BEND2: variants seen among roughly 807,000 people sequenced by gnomAD.
BEND2 encodes BEN domain-containing protein 2.
In BEND2, 19 loss-of-function variants were observed where a neutral mutation model predicts 43.8. The observed-to-expected ratio is 0.43, with a 90% CI of 0.30 to 0.64. The LOEUF is 0.64. Among genes scored for constraint, BEND2 ranks in the 30% least tolerant of loss-of-function variants. The pLI is 0.11. For synonymous variants in BEND2, 226 were observed against 210.1 expected (o/e 1.08, Z -0.66); for missense variants, 544 against 574.0 (o/e 0.95, Z 0.53).
chrX:18,173,666 G>A (rs1203188352), intron 12 of BEND2, among the ~76,000 whole-genome samples: 4 of 111,214 alleles, frequency 3.6e-5, no homozygotes, highest in South Asian at 3.8e-4. Context: ...TCACGAATTC[G>A]TGCCAAAAAT....
At chrX:18,210,156 A>T (rs1925461312) in intron 4 of BEND2, among the ~76,000 whole-genome samples, 2 of 110,627 alleles carry the variant, frequency 1.8e-5, no homozygotes, top group African/African-American at 6.5e-5. Flanking sequence ...GGAGAGAGAG[A>T]TATTTCCTTC....
At chrX:18,206,951 C>T (rs766578902) in intron 4 of BEND2, among the ~76,000 whole-genome samples, 8 of 111,990 alleles carry the variant, frequency 7.1e-5, no homozygotes, top group African/African-American at 2.6e-4. Flanking sequence ...AAGCCAGCCC[C>T]TTAGGAGCAA....
rs1033208562 is a variant in BEND2, at chrX:18,216,677, T to G, written c.82A>C (p.Met28Leu). 2 of 1,209,009 alleles carry G rather than the reference T, an allele frequency of 1.7e-6. No homozygotes were observed. Among genetic ancestry groups the G allele is most frequent in the Non-Finnish European group, 2.2e-6 (2 of 894,416 alleles). Residue 28 changes from methionine (M) to leucine (L), a missense_variant, in exon 2 of 14, where the codon ATG becomes CTG. By Grantham distance (15) the Met-to-Leu change is conservative. Coordinates refer to ENST00000380033, the MANE Select transcript of BEND2 (RefSeq NM_153346.5). ...SDDNNDCSIE[M>L]VEVSETADNS... ...TCTGCTGTTTCAGAAACTTCCACCA[T>G]CTCAATACTGCAATCATTGTTATCA...
intron 9 of BEND2, among the ~76,000 whole-genome samples, chrX:18,179,531 C>T (rs1924302649): frequency 9.0e-6 from 1 of 110,993 alleles, no homozygotes; most frequent in South Asian, 3.9e-4. Context: ...AAGCTCTCCT[C>T]TAGGAAGGGA....
intron 6 of BEND2, among the ~76,000 whole-genome samples, chrX:18,200,207 TA>T (rs1245304468): frequency 9.0e-6 from 1 of 110,799 alleles, no homozygotes; most frequent in Non-Finnish European, 1.9e-5. Flanking sequence ...AAATCAAAAA[TA>T]AAAAGGAGGG....
intron 4 of BEND2, among the ~76,000 whole-genome samples, chrX:18,209,075 G>C (rs1188387995): frequency 8.9e-6 from 1 of 111,818 alleles, no homozygotes; most frequent in Non-Finnish European, 1.9e-5. Context: ...ATCAACTGAA[G>C]GAGCTCCCAA....
intron 8 of BEND2, among the ~76,000 whole-genome samples, chrX:18,185,575 T>C (rs1235901457): frequency 1.1e-4 from 10 of 88,522 alleles, no homozygotes; most frequent in South Asian, 5.4e-4. Context: ...ATAATAATAA[T>C]AACAGACAAC....
Position 18,191,151 on chromosome X carries a change from C to T in BEND2, c.1181-43G>A, listed in dbSNP as rs367632613. The T allele has an allele frequency of 3.0e-6, 3 of 991,881 alleles. No individual in the cohort carries two copies. The African/African-American group carries it at 5.8e-5, about 19-fold the overall frequency. 81.7% of individuals were successfully genotyped at this position (991,881 alleles called of 1,213,427 possible). A position where few individuals can be genotyped will look rare whatever the true frequency, so the allele number is the denominator to read the frequency against. ...TCAATATGTAAAACATTTTGCAGTGCTGAAAGACAAGAAATCTCAACCATG... is the reference window on the plus strand; with the variant it reads ...TCAATATGTAAAACATTTTGCAGTGTTGAAAGACAAGAAATCTCAACCATG... On this transcript the variant is annotated intron_variant, in intron 7 of 13. Transcript: ENST00000380033.
At position 18,203,772 on chromosome X, in the gene BEND2, G is replaced by A; in HGVS notation, c.636C>T (p.Val212=). 3 of 1,211,383 alleles carry A rather than the reference G, an allele frequency of 2.5e-6. No homozygotes were observed. The highest frequency in any genetic ancestry group is 2.2e-5 in the Admixed American group (1 of 46,002). Residue 212 remains valine (V), a synonymous_variant, in exon 5 of 14, where the codon GTC becomes GTT. Coordinates refer to ENST00000380033, the MANE Select transcript of BEND2 (RefSeq NM_153346.5). ...LSESLSYPRI[V]SSSSLQQYVA... is the part of the protein sequence containing the mutation. ...CATACTGCTGTAATGAACTTGAGGA[G>A]ACAATTCTGGGATATGATAAACTCT...
rs1226768413 is a variant in BEND2, at chrX:18,163,553, A to T, written c.*1456T>A. 8.9e-6 allele frequency: 1 copy of T among 112,042 alleles called. No individual in the cohort carries two copies. Among genetic ancestry groups the T allele is most frequent in the Non-Finnish European group, 1.9e-5 (1 of 53,246 alleles). 9.2% of individuals were successfully genotyped at this position (112,042 alleles called of 1,213,427 possible). ...ATGGTGGAAAGTTCTATCAGACAAG[A>T]CTGCTCTAAATAACTTCTAAAAACC... On this transcript the variant is annotated 3_prime_UTR_variant, in exon 14 of 14. Coordinates refer to ENST00000380033, the MANE Select transcript of BEND2 (RefSeq NM_153346.5).
intron 5 of BEND2, among the ~76,000 whole-genome samples, chrX:18,202,833 T>C (rs1925209788): frequency 8.9e-6 from 1 of 111,990 alleles, no homozygotes; most frequent in Non-Finnish European, 1.9e-5. Context: ...AAAACTTGTA[T>C]ATGAATTTTC....
intron 11 of BEND2, among the ~76,000 whole-genome samples, chrX:18,175,291 G>C (rs1924108540): frequency 9.0e-6 from 1 of 111,323 alleles, no homozygotes; most frequent in African/African-American, 3.3e-5. Flanking sequence ...ACACAGGAGC[G>C]ACTAGACGTG....
chrX:18,205,381 C>T lies in BEND2; in HGVS notation c.493-1466G>A, dbSNP rs141156137. On this transcript the variant is annotated intron_variant, in intron 4 of 13. Transcript: ENST00000380033. ...AAGTTCGAGACCAGCCTGAGCAATACAGCAGGACTCCATCTCTAACAAAAA... is the reference window on the plus strand; with the variant it reads ...AAGTTCGAGACCAGCCTGAGCAATATAGCAGGACTCCATCTCTAACAAAAA... 5.0e-4 allele frequency among the ~76,000 whole-genome samples: 54 copies of T among 107,846 alleles called. No homozygotes were observed. The East Asian group carries it at 0.015, about 30-fold the overall frequency. 93.7% of individuals were successfully genotyped at this position (107,846 alleles called of 115,157 possible).
intron 6 of BEND2, 41 bp downstream of exon 6, chrX:18,201,774 T>G: frequency 8.5e-7 from 1 of 1,176,911 alleles, no homozygotes; most frequent in Non-Finnish European, 1.1e-6. Context: ...ATTACAAGTG[T>G]GAGCCACCAC....
chrX:18,173,424 C>T (rs776880729), intron 12 of BEND2, among the ~76,000 whole-genome samples: 5 of 111,776 alleles, frequency 4.5e-5, no homozygotes, highest in Non-Finnish European at 7.5e-5. Context: ...AGGTAGTATT[C>T]TACTTAGGGT....
chrX:18,194,830 T>G (rs888372792), intron 7 of BEND2, among the ~76,000 whole-genome samples: 3 of 108,388 alleles, frequency 2.8e-5, no homozygotes, highest in Non-Finnish European at 5.8e-5. Flanking sequence ...GGTCATGGAG[T>G]GTTAGGGAAG....
chrX:18,208,303 C>T (rs888817448), intron 4 of BEND2, among the ~76,000 whole-genome samples: 5 of 109,332 alleles, frequency 4.6e-5, no homozygotes, highest in Admixed American at 3.0e-4. Flanking sequence ...CTGGCTAACA[C>T]GGCGAAACCT....
At chrX:18,206,526 C>T (rs1266325548) in intron 4 of BEND2, among the ~76,000 whole-genome samples, 2 of 110,234 alleles carry the variant, frequency 1.8e-5, no homozygotes, top group Non-Finnish European at 3.8e-5. Flanking sequence ...TGGGAGAACA[C>T]GTAGAGGGGA....
chrX:18,203,269 G>A (rs965695179), intron 5 of BEND2, among the ~76,000 whole-genome samples: 1 of 110,558 alleles, frequency 9.0e-6, no homozygotes, highest in Admixed American at 9.7e-5. Context: ...AAAAAAAGCC[G>A]AAAGTCAGAC....
Sources: gnomAD v4.1 joint callset for allele counts (sites outside exome capture counted in the v4.1 genomes callset) on GRCh38, gnomAD v4.1.1 for gene constraint, MANE v1.5 for transcripts, NCBI Gene and HGNC (gene_info 2026-07-23, HGNC 2026-07-21) for gene names.